Variants in SKAP2 observed in about 807,000 individuals in gnomAD.
SKAP2 encodes src kinase associated phosphoprotein 2.
Under a neutral mutation model 54.9 loss-of-function variants are expected in SKAP2, and 28 were observed. The ratio of observed to expected loss-of-function variants is 0.51; its 90% CI spans 0.38 to 0.70. The LOEUF (loss-of-function observed/expected upper bound fraction) is 0.70, where lower values mean the gene tolerates loss of function less well. SKAP2 is among the 30% of genes least tolerant of loss of function. The pLI, the probability that SKAP2 is intolerant of heterozygous loss-of-function variation, is 0.00. For missense variants in SKAP2, 356 were observed against 424.1 expected, an observed-to-expected ratio of 0.84 and a Z score of 1.41; for synonymous variants, 137 against 134.3, an observed-to-expected ratio of 1.02 and a Z score of -0.14.
chr7:26,738,118 T>C (rs1009170200), intron 6 of SKAP2, among the ~76,000 whole-genome samples: 6 of 152,182 alleles, frequency 3.9e-5, no homozygotes, highest in South Asian at 2.1e-4. Flanking sequence ...CAAGACCCTG[T>C]TTCTAAAAAC....
Position 26,676,582 on chromosome 7 carries a change from T to C in SKAP2, c.988-6390A>G, listed in dbSNP as rs192502992. Among the ~76,000 whole-genome samples, 217 of 152,316 alleles carry C rather than the reference T, an allele frequency of 1.4e-3. 1 individual carries two copies. The highest frequency in any genetic ancestry group is 4.8e-3 in the African/African-American group (200 of 41,578). On this transcript the variant is annotated intron_variant, in intron 11 of 12. Coordinates refer to ENST00000345317, the MANE Select transcript of SKAP2 (RefSeq NM_003930.5). The stretch of plus-strand genomic sequence containing the variant: ...AGGTCCCCCTCACTCTATGATCCTA[T>C]CATTCTAAGTTCTTTTAAGAAGTCA...
In SKAP2 at chr7:26,668,078, T is replaced by C. The variant is rs2128082689; in HGVS notation, c.*1588A>G. On this transcript the variant is annotated 3_prime_UTR_variant, in exon 13 of 13. Coordinates refer to ENST00000345317, the MANE Select transcript of SKAP2 (RefSeq NM_003930.5). ...TCTTTTTTTTTTTCACATTTGAGATTGGATGATCATGATATTGAGGGGGTA... is the reference window on the plus strand; with the variant it reads ...TCTTTTTTTTTTTCACATTTGAGATCGGATGATCATGATATTGAGGGGGTA... 6.6e-6 allele frequency: 1 copy of C among 152,164 alleles called. No individual in the cohort carries two copies. Among genetic ancestry groups the C allele is most frequent in the African/African-American group, 2.4e-5 (1 of 41,532 alleles). The allele number at this position is 152,164 out of a possible 1,614,324, so 9.4% of individuals were successfully genotyped here.
At chr7:26,838,631 C>G (rs555438620) in intron 4 of SKAP2, among the ~76,000 whole-genome samples, 4 of 152,152 alleles carry the variant, frequency 2.6e-5, no homozygotes, top group Non-Finnish European at 5.9e-5. Flanking sequence ...ATAAAACTCA[C>G]TTAAATAAAA....
intron 9 of SKAP2, among the ~76,000 whole-genome samples, chr7:26,704,672 T>C (rs1256616724): frequency 6.6e-6 from 1 of 152,162 alleles, no homozygotes; most frequent in Non-Finnish European, 1.5e-5. Context: ...AGAACTAGTA[T>C]ATTTCTGTAG....
intron 6 of SKAP2, among the ~76,000 whole-genome samples, chr7:26,728,863 C>T (rs12700756): frequency 0.46 from 70,267 of 151,874 alleles, 17,186 homozygotes; most frequent in East Asian, 0.58. Flanking sequence ...TCCCTTGCTG[C>T]GCAAGGGTTC....
chr7:26,779,261 A>G (rs747591356), intron 4 of SKAP2, among the ~76,000 whole-genome samples: 2 of 152,010 alleles, frequency 1.3e-5, no homozygotes, highest in African/African-American at 4.8e-5. Context: ...TTGTAATAAG[A>G]TATTTCCTCT....
intron 6 of SKAP2, among the ~76,000 whole-genome samples, chr7:26,733,815 T>A (rs147424422): frequency 2.0e-4 from 31 of 152,292 alleles, no homozygotes; most frequent in African/African-American, 7.2e-4. Context: ...GAAATAACCT[T>A]TGAATGACTT....
At chr7:26,706,654 A>G (rs915071477) in intron 9 of SKAP2, among the ~76,000 whole-genome samples, 4 of 152,180 alleles carry the variant, frequency 2.6e-5, no homozygotes, top group African/African-American at 4.8e-5. Context: ...CTGTCACATA[A>G]TGTTTATGTC....
chr7:26,862,044 C>T (rs1237302464), intron 1 of SKAP2, among the ~76,000 whole-genome samples: 2 of 151,960 alleles, frequency 1.3e-5, no homozygotes, highest in African/African-American at 2.4e-5. Flanking sequence ...TTACCAATAT[C>T]TCCTCAGTTT....
At chr7:26,740,196 A>G (rs948353306) in intron 4 of SKAP2, among the ~76,000 whole-genome samples, 4 of 150,764 alleles carry the variant, frequency 2.7e-5, no homozygotes, top group Non-Finnish European at 5.9e-5. Flanking sequence ...CCTATATGTT[A>G]TTATAGCCTC....
At chr7:26,789,170 T>A (rs1393657692) in intron 4 of SKAP2, among the ~76,000 whole-genome samples, 1 of 152,242 alleles carries the variant, frequency 6.6e-6, no homozygotes, top group Admixed American at 6.5e-5. Flanking sequence ...TAGTAATATA[T>A]TCTGACATAA....
At chr7:26,740,246 A>G (rs1048100644) in intron 4 of SKAP2, among the ~76,000 whole-genome samples, 2 of 152,070 alleles carry the variant, frequency 1.3e-5, no homozygotes, top group Non-Finnish European at 1.5e-5. Flanking sequence ...AATAAATGCA[A>G]TAAATCCCTG....
At chr7:26,749,969 C>A (rs1782645696) in intron 4 of SKAP2, among the ~76,000 whole-genome samples, 1 of 151,674 alleles carries the variant, frequency 6.6e-6, no homozygotes, top group Non-Finnish European at 1.5e-5. Context: ...GATGATGACA[C>A]CAGTCATCAT....
At chr7:26,725,824 T>C in intron 8 of SKAP2, 99 bp downstream of exon 8, 1 of 997,332 alleles carries the variant, frequency 1.0e-6, no homozygotes, top group Non-Finnish European at 1.5e-6. Context: ...AGTTGGTCAT[T>C]CTCACAGAAG....
chr7:26,859,394 A>G (rs1785236391), intron 1 of SKAP2, among the ~76,000 whole-genome samples: 1 of 152,254 alleles, frequency 6.6e-6, no homozygotes, highest in Non-Finnish European at 1.5e-5. Context: ...CAAATGCCCA[A>G]AGTTGGAAAA....
chr7:26,803,909 C>A (rs1783967549), intron 4 of SKAP2, among the ~76,000 whole-genome samples: 1 of 151,964 alleles, frequency 6.6e-6, no homozygotes, highest in African/African-American at 2.4e-5. Flanking sequence ...CTTGTGGGAT[C>A]TAAAAATCAA....
intron 4 of SKAP2, among the ~76,000 whole-genome samples, chr7:26,742,081 T>C (rs1016525645): frequency 2.0e-5 from 3 of 152,100 alleles, no homozygotes; most frequent in Admixed American, 6.6e-5. Flanking sequence ...CAAAATAAAC[T>C]TGGTACATAT....
chr7:26,805,412 T>C (rs1784005847), intron 4 of SKAP2, among the ~76,000 whole-genome samples: 1 of 152,208 alleles, frequency 6.6e-6, no homozygotes, highest in African/African-American at 2.4e-5. Context: ...CCTAATCCCT[T>C]TCCCCTTGAA....
At chr7:26,711,278 A>C (rs1787297247) in intron 9 of SKAP2, among the ~76,000 whole-genome samples, 1 of 152,086 alleles carries the variant, frequency 6.6e-6, no homozygotes, top group Non-Finnish European at 1.5e-5. Context: ...TATGTCTTTT[A>C]ATTGTTTTTT....
Sources: allele counts gnomAD v4.1 joint callset (sites outside exome capture counted in the v4.1 genomes callset), GRCh38; gene constraint gnomAD v4.1.1; transcripts MANE v1.5; gene names NCBI Gene and HGNC (gene_info 2026-07-23, HGNC 2026-07-21).